The following CCDC33 variants were observed in gnomAD, a reference collection of about 807,000 sequenced individuals.
CCDC33 encodes the protein coiled-coil domain-containing protein 33.
In CCDC33, 94 loss-of-function variants were observed where a neutral mutation model predicts 91.9. The observed-to-expected ratio is 1.02, with a 90% CI of 0.87 to 1.21. CCDC33 has a LOEUF of 1.21. Among genes scored for constraint, CCDC33 ranks in the 50% most tolerant of loss-of-function variants. The probability of loss-of-function intolerance (pLI) is 0.00; values close to 1 mark genes in which losing one functional copy is unlikely to be tolerated. For missense variants in CCDC33, 940 were observed against 935.5 expected (o/e 1.00, Z -0.06); for synonymous variants, 396 against 374.5 (o/e 1.06, Z -0.66).
chr15:74,300,519 C>A (rs897926168), intron 11 of CCDC33: 3 of 152,230 alleles, frequency 2.0e-5, no homozygotes, highest in African/African-American at 7.2e-5. Context: ...AAATGAAGAA[C>A]CGCCTCCCTC....
At chr15:74,280,132 C>T in intron 8 of CCDC33, 40 bp downstream of exon 8, 1 of 1,611,130 alleles carries the variant, frequency 6.2e-7, no homozygotes. Context: ...AGCCATGCCT[C>T]AGGAGATCTG....
At position 74,266,749 on chromosome 15, in the gene CCDC33, C is replaced by T; in HGVS notation, c.391C>T (p.Leu131=). ...LLSYKIPIKY[L]RVFHPYHFEL... ...GTCCTACAAAATCCCCATCAAGTACCTGCGTGTCTTCCACCCCTACCACTT... is the reference window on the plus strand; with the variant it reads ...GTCCTACAAAATCCCCATCAAGTACTTGCGTGTCTTCCACCCCTACCACTT... The change falls in exon 4 of 19, where the codon CTG becomes TTG. Residue 131 remains leucine, a synonymous_variant. Coordinates refer to ENST00000398814, the MANE Select transcript of CCDC33 (RefSeq NM_025055.5). 6.2e-7 allele frequency: 1 copy of T among 1,614,168 alleles called. No individual in the cohort carries two copies. The highest frequency in any genetic ancestry group is 8.5e-7 in the Non-Finnish European group (1 of 1,179,996).
Position 74,280,704 on chromosome 15 carries a change from T to G in CCDC33, c.926T>G (p.Leu309Arg). 6.5e-7 allele frequency: 1 copy of G among 1,550,336 alleles called. No homozygotes were observed. The highest frequency in any genetic ancestry group is 8.7e-7 in the Non-Finnish European group (1 of 1,147,566). The change falls in exon 9 of 19, where the codon CTG becomes CGG. Residue 309 changes from leucine to arginine, a missense_variant. Coordinates refer to ENST00000398814, the MANE Select transcript of CCDC33 (RefSeq NM_025055.5). ...GSQPWTLNQP[L>R]GISVLPLKSR... is the part of the protein sequence containing the mutation. ...CAGCCGTGGACCCTCAACCAGCCCC[T>G]GGGCATCTCTGTGTTGCCGCTAAAG...
At chr15:74,235,454 G>T (rs2075121814), upstream of CCDC33, among the ~76,000 whole-genome samples, 1 of 152,160 alleles carries the variant, frequency 6.6e-6, no homozygotes, top group Admixed American at 6.5e-5. Flanking sequence ...CCAACTTGGG[G>T]CCCAAAATAG....
intron 2 of CCDC33, among the ~76,000 whole-genome samples, chr15:74,227,063 C>T (rs1259086947): frequency 1.3e-5 from 2 of 152,124 alleles, no homozygotes; most frequent in Non-Finnish European, 2.9e-5. Flanking sequence ...AGAGGTGGAA[C>T]TTATATCACA....
At chr15:74,221,807 G>T (rs80185357) in intron 2 of CCDC33, among the ~76,000 whole-genome samples, 8,313 of 152,212 alleles carry the variant, frequency 0.055, 286 homozygotes, top group East Asian at 0.13. Context: ...CCTTCCCAGA[G>T]GCTCAGGGTG....
chr15:74,316,193 A>C lies in CCDC33; in HGVS notation c.1291-13996A>C, dbSNP rs1291962403. Among the ~76,000 whole-genome samples the C allele has an allele frequency of 1.3e-5, 2 of 152,174 alleles. No homozygotes were observed. The highest frequency in any genetic ancestry group is 4.8e-5 in the African/African-American group (2 of 41,442). On this transcript the variant is annotated intron_variant, in intron 11 of 18. Transcript: ENST00000398814. This position sits in a 1 kb window ranked among gnomAD's most constrained non-coding sequence, Gnocchi z 4.7. Reference sequence around the variant, plus strand: ...TGGGGCCTCCCTGGCTTCATGGGGCAGGCTCAAGTCCCTCAAGGGCGCGGC... The same window carrying C: ...TGGGGCCTCCCTGGCTTCATGGGGCCGGCTCAAGTCCCTCAAGGGCGCGGC...
chr15:74,225,231 C>G (rs1415065247), intron 2 of CCDC33, among the ~76,000 whole-genome samples: 1 of 151,920 alleles, frequency 6.6e-6, no homozygotes, highest in Non-Finnish European at 1.5e-5. Flanking sequence ...AGACCAGCCC[C>G]AGCCCCAGTG....
At chr15:74,230,038 C>G (rs995792753) in intron 2 of CCDC33, among the ~76,000 whole-genome samples, 2 of 152,166 alleles carry the variant, frequency 1.3e-5, no homozygotes, top group Non-Finnish European at 2.9e-5. Flanking sequence ...GAGGGATGGC[C>G]CAGGCACATG....
At chr15:74,271,636 GC>G in intron 5 of CCDC33, 66 bp from the exon 6 acceptor site, 1 of 1,215,372 alleles carries the variant, frequency 8.2e-7, no homozygotes, top group South Asian at 1.2e-5. Context: ...AGGCAGTCTG[GC>G]TGGCTGTCTC....
At chr15:74,256,095 A>C (rs1209870377) in intron 2 of CCDC33, among the ~76,000 whole-genome samples, 1 of 152,182 alleles carries the variant, frequency 6.6e-6, no homozygotes, top group East Asian at 1.9e-4. Context: ...ACAGTCTAGT[A>C]GTGGTGGTGA....
chr15:74,203,933 C>T (rs904019207), intron 1 of CCDC33, among the ~76,000 whole-genome samples: 3 of 152,138 alleles, frequency 2.0e-5, no homozygotes, highest in African/African-American at 7.2e-5. Flanking sequence ...AAGTGTGTTC[C>T]CCACAGAGGA....
intron 10 of CCDC33, among the ~76,000 whole-genome samples, chr15:74,295,199 T>A (rs984940646): frequency 1.3e-5 from 2 of 152,170 alleles, no homozygotes; most frequent in African/African-American, 2.4e-5. Context: ...ATGTATTGAG[T>A]GCCTACAATG....
At chr15:74,295,992 G>A (rs1411977692) in intron 11 of CCDC33, 44 bp downstream of exon 11, 42 of 1,531,280 alleles carry the variant, frequency 2.7e-5, no homozygotes, top group Non-Finnish European at 3.7e-5. Context: ...GCAGTGATGA[G>A]GCCATGGGAA....
intron 3 of CCDC33, among the ~76,000 whole-genome samples, chr15:74,266,445 G>A (rs542530160): frequency 1.4e-3 from 211 of 152,344 alleles, no homozygotes; most frequent in Non-Finnish European, 2.4e-3. Context: ...AAAATTGCAT[G>A]TTGGGGTCCT....
chr15:74,287,471 G>T (rs971466846), intron 10 of CCDC33, among the ~76,000 whole-genome samples: 10 of 152,150 alleles, frequency 6.6e-5, no homozygotes, highest in African/African-American at 2.4e-4. Flanking sequence ...CACCTGCTCA[G>T]GTTCTAGGTC....
chr15:74,231,580 A>G (rs1350141795), upstream of CCDC33, among the ~76,000 whole-genome samples: 1 of 152,202 alleles, frequency 6.6e-6, no homozygotes, highest in African/African-American at 2.4e-5. Flanking sequence ...CCCAGAGTGA[A>G]AGGAAAAGGC....
upstream of CCDC33, among the ~76,000 whole-genome samples, chr15:74,231,604 G>A (rs2074973397): frequency 6.6e-6 from 1 of 152,238 alleles, no homozygotes; most frequent in African/African-American, 2.4e-5. Context: ...GTGGTTTGGT[G>A]GTAATGATCT....
chr15:74,248,989 AG>A (rs1235861664), intron 2 of CCDC33, among the ~76,000 whole-genome samples: 4 of 152,226 alleles, frequency 2.6e-5, no homozygotes, highest in African/African-American at 7.2e-5. Context: ...AAATCAGCTT[AG>A]ATCAGCAAAC....
Sources: allele counts gnomAD v4.1 joint callset (sites outside exome capture counted in the v4.1 genomes callset), GRCh38; gene constraint gnomAD v4.1.1; non-coding constraint Gnocchi (gnomAD v3.1); transcripts MANE v1.5; gene names NCBI Gene and HGNC (gene_info 2026-07-23, HGNC 2026-07-21).